Variants in L3MBTL2 observed in about 807,000 individuals in gnomAD.
The protein encoded by L3MBTL2 is lethal(3)malignant brain tumor-like protein 2.
In L3MBTL2, 49 loss-of-function variants were observed where a neutral mutation model predicts 86.4. The observed-to-expected ratio is 0.57, with a 90% confidence interval of 0.45 to 0.72. L3MBTL2 has a LOEUF of 0.72. L3MBTL2 is among the 30% of genes least tolerant of loss of function. The pLI is 0.00. For missense variants in L3MBTL2, 755 were observed against 923.7 expected (o/e 0.82, Z 2.37); for synonymous variants, 336 against 350.6 (o/e 0.96, Z 0.47).
rs1227910150 is a variant in L3MBTL2 at position 41,225,786 on chromosome 22, C to T, written c.1357-8C>T. On this transcript the variant is annotated splice_polypyrimidine_tract_variant and splice_region_variant and intron_variant, in intron 11 of 16. Transcript: ENST00000216237. This position sits in a 1 kb window ranked among gnomAD's most constrained non-coding sequence, Gnocchi z 4.1. ...ATGATCTGTCTGCCTGCTCCCCCCA[C>T]CCCCCAGGTTCTCCTGGATGGATAC... 3.7e-6 allele frequency: 6 copies of T among 1,603,214 alleles called. No homozygotes were observed. The highest frequency in any genetic ancestry group is 2.2e-5 in the South Asian group (2 of 90,256).
At position 41,224,826 on chromosome 22, in the gene L3MBTL2, T is replaced by C; in HGVS notation, c.1251+25T>C. ...GGTGAGGTTCAGCTCTTGGGCGCTT[T>C]TCCCCTCAGCCATGGGTCCATTCCG... is the stretch of plus-strand genomic sequence containing the variant. On this transcript the variant is annotated intron_variant, in intron 10 of 16. Transcript: ENST00000216237. The surrounding 1 kb of genome is among the most constrained non-coding windows in gnomAD (Gnocchi z 4.9). 2 of 1,603,506 alleles carry C rather than the reference T, an allele frequency of 1.2e-6. No homozygotes were observed. The highest frequency in any genetic ancestry group is 1.7e-6 in the Non-Finnish European group (2 of 1,170,408).
chr22:41,219,524 A>G lies in L3MBTL2; in HGVS notation c.706A>G (p.Ile236Val). ...PSRVYWIASV[I>V]QTAGYRVLLR... ...CCGGGTGTACTGGATCGCCTCTGTC[A>G]TCCAGACAGCAGGTGAGTGTTTGGC... is the stretch of plus-strand genomic sequence containing the variant. The change falls in exon 6 of 17, where the codon ATC (isoleucine) becomes GTC (valine). Residue 236 changes from isoleucine to valine, a missense_variant. This residue lies in a region of L3MBTL2 where 634 missense variants were observed against 748.9 expected (regional missense o/e 0.85). Transcript: ENST00000216237. 1.2e-6 allele frequency: 2 copies of G among 1,612,170 alleles called. No homozygotes were observed. The highest frequency in any genetic ancestry group is 8.5e-7 in the Non-Finnish European group (1 of 1,178,496).
At chr22:41,213,639 C>G (rs1234609351) in intron 2 of L3MBTL2, 3 of 330,036 alleles carry the variant, frequency 9.1e-6, no homozygotes, top group Non-Finnish European at 5.6e-6. Flanking sequence ...CCTGTTCCCC[C>G]AGTCGTCCTC....
chr22:41,229,787 C>T, intron 16 of L3MBTL2, 131 bp downstream of exon 16: 2 of 1,469,868 alleles, frequency 1.4e-6, no homozygotes, highest in South Asian at 2.4e-5. Flanking sequence ...ACCAAGCAGT[C>T]CTGTACCACT....
intron 5 of L3MBTL2, chr22:41,219,168 A>G (rs2031625239): frequency 5.0e-6 from 2 of 400,430 alleles, no homozygotes. Flanking sequence ...TAAAGATTTT[A>G]GGACTCGGTT....
chr22:41,222,547 G>A (rs1293033098), intron 8 of L3MBTL2, among the ~76,000 whole-genome samples: 2 of 152,076 alleles, frequency 1.3e-5, no homozygotes, highest in African/African-American at 4.8e-5. Flanking sequence ...GGAGGCCAAG[G>A]CAAGAGGATC....
intron 3 of L3MBTL2, 64 bp from the exon 4 acceptor site, chr22:41,216,075 G>A (rs538950201): frequency 5.0e-5 from 77 of 1,534,366 alleles, no homozygotes; most frequent in African/African-American, 4.8e-4. Flanking sequence ...TCAACTTGGC[G>A]GCCCAAATCC....
At position 41,226,683 on chromosome 22, in the gene L3MBTL2, A is replaced by C. The variant is rs1569151761; in HGVS notation, c.1526A>C (p.Asn509Thr). 4.3e-6 allele frequency: 7 copies of C among 1,613,802 alleles called. No individual in the cohort carries two copies. The highest frequency in any genetic ancestry group is 5.9e-6 in the Non-Finnish European group (7 of 1,179,766). Residue 509 changes from asparagine to threonine, a missense_variant, in exon 13 of 17, where the codon AAC becomes ACC. Physicochemically the swap from Asn to Thr is moderately conservative, Grantham distance 65 (BLOSUM62 0). Coordinates refer to ENST00000216237, the MANE Select transcript of L3MBTL2 (RefSeq NM_031488.5). ...CCAGGTTATGAGGCACAGACTTTCA[A>C]CTGGGAGAACTACTTGGAGAAGACC... ...PPKGYEAQTF[N>T]WENYLEKTKS... is the part of the protein sequence containing the mutation.
At position 41,209,817 on chromosome 22, in the gene L3MBTL2, A is replaced by G. The variant is rs751814027; in HGVS notation, c.146A>G (p.Glu49Gly). 1 of 1,614,182 alleles carries G rather than the reference A, an allele frequency of 6.2e-7. No individual in the cohort carries two copies. The highest frequency in any genetic ancestry group is 8.5e-7 in the Non-Finnish European group (1 of 1,180,034). The change falls in exon 2 of 17, where the codon GAG becomes GGG. Residue 49 changes from glutamate to glycine, a missense_variant. Around this residue, in one of 3 missense-constraint regions of L3MBTL2, gnomAD observed 103 missense variants for 105.2 expected, o/e 0.98. Transcript: ENST00000216237. The stretch of plus-strand genomic sequence containing the variant: ...GGCAGTGAGAGCAGCTCCTATCTGG[A>G]GGAGTCAAGTGAAGCAGAAAATGAG... ...SVGSESSSYLEESSEAENEDR... is the reference protein window; with the variant it reads ...SVGSESSSYLGESSEAENEDR...
rs752309793 is a variant in L3MBTL2 at position 41,221,300 on chromosome 22, C to T, written c.942+13C>T. On this transcript the variant is annotated intron_variant, in intron 8 of 16. Transcript: ENST00000216237. ...TTTCCACATCAAGGTCGGCAGTGAG[C>T]CCTTAACTGATGTGCCTCCTTCCGC... is the stretch of plus-strand genomic sequence containing the variant. 4.5e-6 allele frequency: 7 copies of T among 1,548,908 alleles called. No individual in the cohort carries two copies. The highest frequency in any genetic ancestry group is 2.6e-6 in the Non-Finnish European group (3 of 1,144,422).
chr22:41,213,153 C>T (rs1569139212), intron 2 of L3MBTL2, among the ~76,000 whole-genome samples: 2 of 152,042 alleles, frequency 1.3e-5, no homozygotes, highest in Non-Finnish European at 2.9e-5. Flanking sequence ...GGAGGCAGAG[C>T]TTGCAGTGAG....
rs201398273 is a variant in L3MBTL2, at chr22:41,205,328, C to A, written c.-35C>A. The A allele has an allele frequency of 3.2e-5, 52 of 1,613,978 alleles. No homozygotes were observed. The highest frequency in any genetic ancestry group is 5.9e-6 in the Non-Finnish European group (7 of 1,179,978). ...CGACGGGGCAGGCCAATATGGCTTC[C>A]TGCACCTGGTGACGCTTGGCGAAAC... On this transcript the variant is annotated 5_prime_UTR_variant, in exon 1 of 17. The change creates a new upstream start codon in the 5' untranslated region. Coordinates refer to ENST00000216237, the MANE Select transcript of L3MBTL2 (RefSeq NM_031488.5).
chr22:41,223,660 A>G (rs1431008068), intron 8 of L3MBTL2, among the ~76,000 whole-genome samples: 1 of 152,236 alleles, frequency 6.6e-6, no homozygotes, highest in African/African-American at 2.4e-5. Context: ...CTCTGGCACA[A>G]ATGAGTCTGT....
intron 2 of L3MBTL2, among the ~76,000 whole-genome samples, chr22:41,210,577 C>T (rs532979364): frequency 3.9e-5 from 6 of 152,218 alleles, no homozygotes; most frequent in Non-Finnish European, 7.3e-5. Context: ...GATCCACCCG[C>T]CTCGGCCTCC....
chr22:41,210,420 C>T (rs544296255), intron 2 of L3MBTL2, among the ~76,000 whole-genome samples: 74 of 152,310 alleles, frequency 4.9e-4, no homozygotes, highest in Non-Finnish European at 7.1e-4. Context: ...AGCTCTGCCT[C>T]CCGGGTTCAC....
intron 6 of L3MBTL2, 90 bp downstream of exon 6, chr22:41,219,626 C>A: frequency 1.2e-6 from 1 of 825,908 alleles, no homozygotes; most frequent in Non-Finnish European, 2.0e-6. Context: ...GAGTTGGCTT[C>A]ATAAAACAAA....
intron 6 of L3MBTL2, 47 bp downstream of exon 6, chr22:41,219,583 C>T (rs2031665565): frequency 8.0e-7 from 1 of 1,244,866 alleles, no homozygotes; most frequent in Non-Finnish European, 1.2e-6. Context: ...TGCAGAGTGA[C>T]ATCTCTAGAT....
chr22:41,216,174 C>T lies in L3MBTL2; in HGVS notation c.432C>T (p.His144=), dbSNP rs780322228. 6.2e-6 allele frequency: 10 copies of T among 1,614,100 alleles called. No homozygotes were observed. The Middle Eastern group carries it at 4.9e-4, about 80-fold the overall frequency. The change falls in exon 4 of 17, where the codon CAC becomes CAT. Residue 144 remains histidine, a synonymous_variant. Transcript: ENST00000216237. ...CGACCAAAAAAGCCAAAGTCCTGCACAAGGCTGCCTGGTCTGCCAAAATTG... is the reference window on the plus strand; with the variant it reads ...CGACCAAAAAAGCCAAAGTCCTGCATAAGGCTGCCTGGTCTGCCAAAATTG... ...KPPTKKAKVL[H]KAAWSAKIGA...
At chr22:41,211,580 G>T (rs1314547284) in intron 2 of L3MBTL2, among the ~76,000 whole-genome samples, 2 of 53,262 alleles carry the variant, frequency 3.8e-5, no homozygotes, top group South Asian at 8.8e-4. Flanking sequence ...TTTTTGAGAC[G>T]GAGTCTTGCT....
Sources: allele counts gnomAD v4.1 joint callset (sites outside exome capture counted in the v4.1 genomes callset), GRCh38; gene constraint gnomAD v4.1.1; regional missense constraint gnomAD v4.1.1; non-coding constraint Gnocchi (gnomAD v3.1); transcripts MANE v1.5; gene names NCBI Gene and HGNC (gene_info 2026-07-23, HGNC 2026-07-21).